Variants in TXNRD3 observed in about 807,000 individuals in gnomAD.
TXNRD3 encodes thioredoxin reductase 3, also known as TXNRD3 neighbor gene protein.
In TXNRD3, 68 loss-of-function variants were observed where a neutral mutation model predicts 78.2. The observed-to-expected ratio is 0.87, with a 90% confidence interval of 0.72 to 1.06. TXNRD3 has a LOEUF of 1.06. TXNRD3 is among the 50% of genes least tolerant of loss of function. The pLI is 0.00. For missense variants in TXNRD3, 751 were observed against 809.5 expected (o/e 0.93, Z 0.88); for synonymous variants, 296 against 300.1 (o/e 0.99, Z 0.14).
At chr3:126,638,082 T>C (rs1029521774) in intron 6 of TXNRD3, among the ~76,000 whole-genome samples, 30 of 151,934 alleles carry the variant, frequency 2.0e-4, no homozygotes, top group African/African-American at 6.8e-4. Flanking sequence ...TAGCTGGGAC[T>C]ACAGGCGCAT....
At chr3:126,640,328 C>T (rs1264490029) in intron 6 of TXNRD3, among the ~76,000 whole-genome samples, 1 of 10,106 alleles carries the variant, frequency 9.9e-5, no homozygotes, top group African/African-American at 1.6e-4. Flanking sequence ...AGGATGGTCT[C>T]GATCTCCTGA....
At chr3:126,628,365 A>C (rs1018730715) in intron 10 of TXNRD3, among the ~76,000 whole-genome samples, 8 of 152,144 alleles carry the variant, frequency 5.3e-5, no homozygotes, top group Non-Finnish European at 4.4e-5. Context: ...AAAAAAGAGA[A>C]AACCAGTAAA....
intron 6 of TXNRD3, among the ~76,000 whole-genome samples, chr3:126,639,043 AAC>A (rs1002601098): frequency 6.6e-6 from 1 of 152,184 alleles, no homozygotes; most frequent in Non-Finnish European, 1.5e-5. Context: ...CTGTGTCTCC[AAC>A]ACAGAGTGAG....
At chr3:126,615,541 G>A in intron 12 of TXNRD3, 79 bp from the exon 13 acceptor site, 1 of 698,604 alleles carries the variant, frequency 1.4e-6, no homozygotes, top group Non-Finnish European at 2.2e-6. Context: ...TTTATATAAA[G>A]AAAATAAATC....
At chr3:126,627,976 C>T (rs959265029) in intron 10 of TXNRD3, among the ~76,000 whole-genome samples, 1 of 152,048 alleles carries the variant, frequency 6.6e-6, no homozygotes, top group Non-Finnish European at 1.5e-5. Context: ...TTCTAAATAA[C>T]GAAGTCCAAC....
intron 4 of TXNRD3, 97 bp downstream of exon 4, chr3:126,644,200 A>T: frequency 7.3e-7 from 1 of 1,374,286 alleles, no homozygotes; most frequent in Non-Finnish European, 9.9e-7. Flanking sequence ...CAAAAGCTTA[A>T]ACTGTAACAT....
Position 126,630,834 on chromosome 3 carries a change from C to T in TXNRD3, c.1075G>A (p.Asp359Asn), listed in dbSNP as rs1458874009. The T allele has an allele frequency of 1.3e-6, 2 of 1,535,754 alleles. No individual in the cohort carries two copies. Among genetic ancestry groups the T allele is most frequent in the African/African-American group, 2.7e-5 (2 of 73,000 alleles). Residue 359 changes from aspartate (D) to asparagine (N), a missense_variant, in exon 9 of 16, where the codon GAT (aspartate) becomes AAT (asparagine). Asp to Asn is a conservative substitution (Grantham distance 23, BLOSUM62 1). Coordinates refer to ENST00000524230, the MANE Select transcript of TXNRD3 (RefSeq NM_052883.3). ...ATTGAGCGTACCATAACTGTGACAT[C>T]TAGGCCAAAGCCAGCCAGAAACCCT...
intron 9 of TXNRD3, among the ~76,000 whole-genome samples, 198 bp downstream of exon 9, chr3:126,630,514 G>A (rs1166328987): frequency 2.6e-5 from 4 of 152,168 alleles, no homozygotes; most frequent in Non-Finnish European, 5.9e-5. Context: ...AGGGGACTCA[G>A]CCTCTGAGAA....
chr3:126,631,919 C>A, intron 7 of TXNRD3, 40 bp from the exon 8 acceptor site: 1 of 1,344,130 alleles, frequency 7.4e-7, no homozygotes, highest in African/African-American at 1.4e-5. Context: ...GCAAACACTA[C>A]AGAGTACCAG....
At position 126,629,411 on chromosome 3, in the gene TXNRD3, C is replaced by A; in HGVS notation, c.1258G>T (p.Gly420Ter). 2.0e-6 allele frequency: 3 copies of A among 1,535,480 alleles called. No individual in the cohort carries two copies. Among genetic ancestry groups the A allele is most frequent in the Middle Eastern group, 1.7e-4 (1 of 5,988 alleles). ...TAGACTCCTTCAATTGTTTCTGTTC[C>A]TTCAGTGGATTTAGCCAACACTTTC... Residue 420 changes from glycine (G) to a stop codon, truncating the protein, a stop_gained, in exon 10 of 16, where the codon GGA (glycine) becomes TGA (stop). Transcript: ENST00000524230. LOFTEE classifies it high-confidence loss of function.
intron 12 of TXNRD3, among the ~76,000 whole-genome samples, chr3:126,621,171 T>C (rs1332026077): frequency 6.6e-6 from 1 of 152,196 alleles, no homozygotes; most frequent in Non-Finnish European, 1.5e-5. Flanking sequence ...GATTTAAAAA[T>C]ATGAAAAGTG....
At chr3:126,609,037 C>T (rs1938129167) in intron 14 of TXNRD3, 1 of 253,062 alleles carries the variant, frequency 4.0e-6, no homozygotes, top group Non-Finnish European at 8.1e-6. Context: ...AAGCAAGATG[C>T]CCTGCTCCCA....
At chr3:126,629,234 G>A (rs949466791) in intron 10 of TXNRD3, 145 bp downstream of exon 10, 1 of 621,666 alleles carries the variant, frequency 1.6e-6, no homozygotes, top group Non-Finnish European at 2.7e-6. Context: ...AATGTCAGTA[G>A]CCAAATTATC....
rs567133340 is a variant in TXNRD3, at chr3:126,617,335, G to A, written c.1525-1873C>T. On this transcript the variant is annotated intron_variant, in intron 12 of 15. Transcript: ENST00000524230. ...TACAGCATCAGGCAACTGCTCTGCC[G>A]ACATACACCCCAAAATGTTATTTGC... 5.9e-5 allele frequency among the ~76,000 whole-genome samples: 9 copies of A among 152,168 alleles called. No homozygotes were observed. The East Asian group carries it at 7.7e-4, about 13-fold the overall frequency.
Position 126,644,465 on chromosome 3 carries a change from A to G in TXNRD3, c.415-64T>C, listed in dbSNP as rs1474902553. On this transcript the variant is annotated intron_variant, in intron 3 of 15. Transcript: ENST00000524230. ...TAAAGTTTTACAGCTATTTATGTAC[A>G]CCCTATGTTCAACTGGTATGGATTT... is the stretch of plus-strand genomic sequence containing the variant. 6.4e-6 allele frequency: 7 copies of G among 1,096,312 alleles called. No homozygotes were observed. The African/African-American group carries it at 1.1e-4, about 17-fold the overall frequency. 67.9% of individuals were successfully genotyped at this position (1,096,312 alleles called of 1,614,324 possible). A position where few individuals can be genotyped will look rare whatever the true frequency, so the allele number is the denominator to read the frequency against.
rs998772646 is a variant in TXNRD3, at chr3:126,654,957, C to T, written c.34G>A (p.Gly12Arg). ...CGGTTGGGGGCATCGCCCGCCTTTC[C>T]CGGCCCGGGCGACTGCGGCGGCGAC... Residue 12 changes from glycine (G) to arginine (R), a missense_variant, in exon 1 of 16, where the codon GGA (glycine) becomes AGA (arginine). Transcript: ENST00000524230. The T allele has an allele frequency of 2.3e-6, 3 of 1,296,690 alleles. No individual in the cohort carries two copies. The highest frequency in any genetic ancestry group is 2.7e-4 in the Middle Eastern group (1 of 3,736). The allele number at this position is 1,296,690 out of a possible 1,614,324, so 80.3% of individuals were successfully genotyped here. A position where few individuals can be genotyped will look rare whatever the true frequency, so the allele number is the denominator to read the frequency against.
rs1307189204 is a variant in TXNRD3, at chr3:126,642,126, T to C, written c.618A>G (p.Val206=). The change falls in exon 6 of 16, where the codon GTA becomes GTG. Residue 206 remains valine, a synonymous_variant. Coordinates refer to ENST00000524230, the MANE Select transcript of TXNRD3 (RefSeq NM_052883.3). ...GCATCAATTTCTTAGGAATACAACCTACATTTACACAAGTGCCACCAAGAC... is the reference window on the plus strand; with the variant it reads ...GCATCAATTTCTTAGGAATACAACCCACATTTACACAAGTGCCACCAAGAC... 6.5e-7 allele frequency: 1 copy of C among 1,536,188 alleles called. No homozygotes were observed. The highest frequency in any genetic ancestry group is 2.0e-5 in the Admixed American group (1 of 50,910).
chr3:126,620,830 C>G (rs897849763), intron 12 of TXNRD3, among the ~76,000 whole-genome samples: 2 of 152,192 alleles, frequency 1.3e-5, no homozygotes, highest in Non-Finnish European at 2.9e-5. Flanking sequence ...TGCCTACACA[C>G]ATTGCAAAAT....
intron 6 of TXNRD3, among the ~76,000 whole-genome samples, chr3:126,634,316 G>A (rs1355352447): frequency 6.6e-6 from 1 of 152,130 alleles, no homozygotes; most frequent in Non-Finnish European, 1.5e-5. Context: ...CCCTCATATG[G>A]CAACGCCTGC....
Sources: gnomAD v4.1 joint callset for allele counts (sites outside exome capture counted in the v4.1 genomes callset) on GRCh38, gnomAD v4.1.1 for gene constraint, MANE v1.5 for transcripts, NCBI Gene and HGNC (gene_info 2026-07-23, HGNC 2026-07-21) for gene names.